FXR1: variants seen among roughly 807,000 people sequenced by gnomAD.
The protein encoded by FXR1 is RNA-binding protein FXR1.
A neutral mutation model predicts 84.0 loss-of-function variants in FXR1; 15 were observed. That is an observed-to-expected ratio of 0.18 (90% CI 0.12 to 0.27). FXR1 has a LOEUF of 0.27. FXR1 is among the 10% of genes least tolerant of loss of function. FXR1 has a pLI of 1.00. For missense variants in FXR1, 480 were observed against 774.4 expected (o/e 0.62, Z 4.51); for synonymous variants, 245 against 250.7 (o/e 0.98, Z 0.21).
chr3:180,967,968 A>G (rs1282938341), intron 13 of FXR1, 83 bp from the exon 14 acceptor site: 1 of 882,082 alleles, frequency 1.1e-6, no homozygotes, highest in Non-Finnish European at 1.9e-6. Context: ...TTATTTAAAC[A>G]ATAATTTGTA....
At chr3:180,942,053 T>C (rs1721183401) in intron 3 of FXR1, among the ~76,000 whole-genome samples, 1 of 152,138 alleles carries the variant, frequency 6.6e-6, no homozygotes, top group African/African-American at 2.4e-5. Flanking sequence ...ATTCTCTGTC[T>C]TTGATACTTA....
At chr3:180,926,493 TATATATATA>T (rs1719204169) in intron 1 of FXR1, among the ~76,000 whole-genome samples, 1 of 104,544 alleles carries the variant, frequency 9.6e-6, no homozygotes, top group Non-Finnish European at 1.8e-5. Context: ...TATATATATA[TATATATATA>T]TATATTTTTT....
Position 180,982,086 on chromosome 3 carries a change from CGGAA to C in FXR1, c.*5795_*5798del, listed in dbSNP as rs1714637233. ...GCCATAGTACAAAAAGTTAAGAGAA[CGGAA>C]CTCAGGATCTGAGAAAGATCAGCCA... On this transcript the variant is annotated 3_prime_UTR_variant, in exon 17 of 17. Transcript: ENST00000357559. The C allele has an allele frequency of 6.6e-6, 1 of 151,998 alleles. No homozygotes were observed. Among genetic ancestry groups the C allele is most frequent in the Non-Finnish European group, 1.5e-5 (1 of 67,942 alleles). The allele number at this position is 151,998 out of a possible 1,614,324, so 9.4% of individuals were successfully genotyped here. A position where few individuals can be genotyped will look rare whatever the true frequency, so the allele number is the denominator to read the frequency against.
At chr3:180,945,806 T>TCAGTTG (rs1208669543) in intron 3 of FXR1, among the ~76,000 whole-genome samples, 1 of 152,240 alleles carries the variant, frequency 6.6e-6, no homozygotes, top group East Asian at 1.9e-4. Context: ...TGATGGAGTC[T>TCAGTTG]CAGTTGAGTC....
At position 180,951,210 on chromosome 3, in the gene FXR1, G is replaced by C. The variant is rs193007789; in HGVS notation, c.631-88G>C. On this transcript the variant is annotated intron_variant, in intron 7 of 16. Transcript: ENST00000357559. ...TGCACCCTAGCCTTGGTGACAGAGTGAGACCCTGTCTGGAAAAAAACCAAA... is the reference window on the plus strand; with the variant it reads ...TGCACCCTAGCCTTGGTGACAGAGTCAGACCCTGTCTGGAAAAAAACCAAA... 6.7e-4 allele frequency: 498 copies of C among 739,804 alleles called. 5 individuals carry two copies. The highest frequency in any genetic ancestry group is 6.1e-3 in the South Asian group (358 of 58,848). The allele number at this position is 739,804 out of a possible 1,614,324, so 45.8% of individuals were successfully genotyped here.
In FXR1 at chr3:180,921,390, C is replaced by A. The variant is rs958480608; in HGVS notation, c.51+8654C>A. On this transcript the variant is annotated intron_variant, in intron 1 of 16. Coordinates refer to ENST00000357559, the MANE Select transcript of FXR1 (RefSeq NM_005087.4). ...CTCCATCTAAAAAAAAAAAAAAAAA[C>A]TTGTAATAATTATTGTAATGTATAA... Among the ~76,000 whole-genome samples, 699 of 145,916 alleles carry A rather than the reference C, an allele frequency of 4.8e-3. 20 individuals are homozygous for A. The East Asian group carries it at 0.08, about 17-fold the overall frequency.
rs1386047731 is a variant in FXR1 at position 180,920,029 on chromosome 3, T to G, written c.51+7293T>G. Among the ~76,000 whole-genome samples, 117 of 152,150 alleles carry G rather than the reference T, an allele frequency of 7.7e-4. 2 individuals are homozygous for G. The highest frequency in any genetic ancestry group is 1.5e-5 in the Non-Finnish European group (1 of 68,020). ...TGCCTGCCATTCTCTATCTTCAGCG[T>G]TTTTTGCTGTCTATTTTGGGAAGAT... On this transcript the variant is annotated intron_variant, in intron 1 of 16. Coordinates refer to ENST00000357559, the MANE Select transcript of FXR1 (RefSeq NM_005087.4).
chr3:180,973,210 C>G (rs1443542316), intron 15 of FXR1, among the ~76,000 whole-genome samples: 1 of 152,182 alleles, frequency 6.6e-6, no homozygotes, highest in Non-Finnish European at 1.5e-5. Flanking sequence ...TTTGAATTAA[C>G]AGAGGTTTCT....
At chr3:180,932,430 A>G (rs974984120) in intron 1 of FXR1, among the ~76,000 whole-genome samples, 1 of 152,240 alleles carries the variant, frequency 6.6e-6, no homozygotes, top group Admixed American at 6.5e-5. Flanking sequence ...TTGTAATTAT[A>G]TAAGTGCCAA....
intron 3 of FXR1, among the ~76,000 whole-genome samples, chr3:180,942,002 G>C (rs891205213): frequency 2.0e-5 from 3 of 151,972 alleles, no homozygotes; most frequent in Non-Finnish European, 4.4e-5. Context: ...AATTTCTTTG[G>C]AAAAATGGAA....
At chr3:180,921,437 CTT>C (rs566655712) in intron 1 of FXR1, among the ~76,000 whole-genome samples, 94 of 150,964 alleles carry the variant, frequency 6.2e-4, no homozygotes, top group African/African-American at 2.2e-3. Flanking sequence ...AATTTGCAGA[CTT>C]TTTGAATTTG....
rs1714344540 is a variant in FXR1, at chr3:180,977,476, C to T, written c.*1184C>T. 1 of 152,014 alleles carries T rather than the reference C, an allele frequency of 6.6e-6. No individual in the cohort carries two copies. The highest frequency in any genetic ancestry group is 1.9e-4 in the East Asian group (1 of 5,196). 9.4% of individuals were successfully genotyped at this position (152,014 alleles called of 1,614,324 possible). On this transcript the variant is annotated 3_prime_UTR_variant, in exon 17 of 17. Transcript: ENST00000357559. The stretch of plus-strand genomic sequence containing the variant: ...TGACAAGCAATTTTTAAATAATAGG[C>T]CAATGATTTGCTTTATTCATTCTCA...
At chr3:180,969,249 G>A (rs912920202) in intron 14 of FXR1, among the ~76,000 whole-genome samples, 1 of 152,240 alleles carries the variant, frequency 6.6e-6, no homozygotes, top group South Asian at 2.1e-4. Flanking sequence ...AGTTACCAAG[G>A]TGTTTAAAAT....
At chr3:180,913,149 C>T (rs573995520) in intron 1 of FXR1, among the ~76,000 whole-genome samples, 118 of 152,088 alleles carry the variant, frequency 7.8e-4, no homozygotes, top group Non-Finnish European at 1.5e-3. Flanking sequence ...CTGGGCCGGG[C>T]GGGAGCTCCT....
At chr3:180,945,114 A>C (rs1721562509) in intron 3 of FXR1, among the ~76,000 whole-genome samples, 1 of 152,248 alleles carries the variant, frequency 6.6e-6, no homozygotes, top group South Asian at 2.1e-4. Context: ...TATCTCTAAT[A>C]AATTCTAGCT....
intron 6 of FXR1, 53 bp from the exon 7 acceptor site, chr3:180,949,174 T>C: frequency 1.1e-6 from 1 of 904,088 alleles, no homozygotes. Flanking sequence ...ATGGTGTTTG[T>C]GCTATTTGGA....
intron 3 of FXR1, among the ~76,000 whole-genome samples, chr3:180,935,512 G>A (rs1361928240): frequency 6.6e-6 from 1 of 152,138 alleles, no homozygotes; most frequent in African/African-American, 2.4e-5. Flanking sequence ...AGCATTGAAC[G>A]CTATGCACTA....
At chr3:180,975,716 C>T (rs1805606) in intron 16 of FXR1, among the ~76,000 whole-genome samples, 26,054 of 151,960 alleles carry the variant, frequency 0.17, 2,473 homozygotes, top group South Asian at 0.25. Context: ...TGGATATAGA[C>T]CTTTTAAATT....
In FXR1 at chr3:180,912,741, T is replaced by G; in HGVS notation, c.51+5T>G. The G allele has an allele frequency of 6.2e-7, 1 of 1,614,136 alleles. No homozygotes were observed. The highest frequency in any genetic ancestry group is 8.5e-7 in the Non-Finnish European group (1 of 1,180,008). On this transcript the variant is annotated splice_donor_5th_base_variant and intron_variant, in intron 1 of 16. Coordinates refer to ENST00000357559, the MANE Select transcript of FXR1 (RefSeq NM_005087.4). Reference sequence around the variant, plus strand: ...TCTAACGGGGCTTTCTACAAGGTACTGACCGTTTTGCCACTTTGTCGAGTG... The same window carrying G: ...TCTAACGGGGCTTTCTACAAGGTACGGACCGTTTTGCCACTTTGTCGAGTG...
Sources: allele counts gnomAD v4.1 joint callset (sites outside exome capture counted in the v4.1 genomes callset), GRCh38; gene constraint gnomAD v4.1.1; transcripts MANE v1.5; gene names NCBI Gene and HGNC (gene_info 2026-07-23, HGNC 2026-07-21).